ATRNL1: variants seen among roughly 807,000 people sequenced by gnomAD.
ATRNL1 encodes attractin-like protein 1.
In ATRNL1, 95 loss-of-function variants were observed where a neutral mutation model predicts 182.7. That is an observed-to-expected ratio of 0.52 (90% confidence interval 0.44 to 0.62). The LOEUF (loss-of-function observed/expected upper bound fraction) is 0.62. ATRNL1 is among the 20% of genes least tolerant of loss of function. The probability of loss-of-function intolerance (pLI) is 0.00; values close to 1 mark genes in which losing one functional copy is unlikely to be tolerated. For missense variants in ATRNL1, 1,471 were observed against 1,679.5 expected (o/e 0.88, Z 2.17); for synonymous variants, 576 against 568.3 (o/e 1.01, Z -0.19).
chr10:115,362,314 A>G (rs1856788383), intron 19 of ATRNL1, among the ~76,000 whole-genome samples: 1 of 152,128 alleles, frequency 6.6e-6, no homozygotes, highest in Admixed American at 6.6e-5. Flanking sequence ...AAGTTAAAAA[A>G]TAGAATGAAA....
Position 115,300,045 on chromosome 10 carries a change from T to G in ATRNL1, c.2427T>G (p.Pro809=), listed in dbSNP as rs782744717. 5.0e-6 allele frequency: 8 copies of G among 1,611,056 alleles called. No individual in the cohort carries two copies. The highest frequency in any genetic ancestry group is 6.8e-6 in the Non-Finnish European group (8 of 1,178,038). Residue 809 remains proline, a synonymous_variant, in exon 16 of 29, where the codon CCT becomes CCG. Coordinates refer to ENST00000355044, the MANE Select transcript of ATRNL1 (RefSeq NM_207303.4). Reference sequence around the variant, plus strand: ...CCTGTTGTTTACAGAAAGTATCACCTTGGGTAGGCTTGCGCAAGATCAATA... The same window carrying G: ...CCTGTTGTTTACAGAAAGTATCACCGTGGGTAGGCTTGCGCAAGATCAATA... ...IQKYTQQKVS[P]WVGLRKINIS...
At chr10:115,633,033 C>T (rs782073013) in intron 26 of ATRNL1, among the ~76,000 whole-genome samples, 16 of 152,048 alleles carry the variant, frequency 1.1e-4, no homozygotes, top group Admixed American at 1.3e-4. Flanking sequence ...GCTGGGATTA[C>T]AGGCATGCAC....
chr10:115,944,059 G>C (rs148997300), intron 28 of ATRNL1, among the ~76,000 whole-genome samples: 1 of 151,828 alleles, frequency 6.6e-6, no homozygotes, highest in African/African-American at 2.4e-5. Flanking sequence ...GGTGAAGTGC[G>C]GGGGTATTTT....
intron 15 of ATRNL1, among the ~76,000 whole-genome samples, chr10:115,299,751 C>T (rs1200816125): frequency 1.3e-5 from 2 of 152,058 alleles, no homozygotes; most frequent in East Asian, 3.9e-4. Flanking sequence ...ATAATTATAT[C>T]TCCACTTTAT....
chr10:115,188,223 CAAAT>C (rs1350749276), intron 8 of ATRNL1, among the ~76,000 whole-genome samples: 5 of 151,854 alleles, frequency 3.3e-5, no homozygotes, highest in African/African-American at 7.3e-5. Flanking sequence ...AAATTATTTG[CAAAT>C]AAATGTGAAA....
chr10:115,417,478 T>G (rs1554961066), intron 20 of ATRNL1, among the ~76,000 whole-genome samples: 1 of 152,206 alleles, frequency 6.6e-6, no homozygotes, highest in Admixed American at 6.5e-5. Context: ...GGATCCAGTC[T>G]GACCCCCAGC....
At chr10:115,743,347 G>A (rs1404758321) in intron 27 of ATRNL1, among the ~76,000 whole-genome samples, 4 of 150,970 alleles carry the variant, frequency 2.6e-5, no homozygotes, top group Non-Finnish European at 4.4e-5. Context: ...ACCCCAATAA[G>A]CTGACTCCAC....
At chr10:115,647,017 G>C (rs1859671500) in intron 26 of ATRNL1, among the ~76,000 whole-genome samples, 1 of 137,752 alleles carries the variant, frequency 7.3e-6, no homozygotes, top group African/African-American at 2.7e-5. Context: ...TGTTCTCATT[G>C]TTCAATTCCC....
rs554489924 is a variant in ATRNL1 at position 115,237,256 on chromosome 10, C to T, written c.1533-4315C>T. Among the ~76,000 whole-genome samples the T allele has an allele frequency of 2.6e-5, 4 of 152,236 alleles. No homozygotes were observed. The South Asian group carries it at 8.3e-4, about 32-fold the overall frequency. ...ACATATTTTCAACTCATTCAGGTGA[C>T]CACCATGGAGTGCAATTCCTGGATG... On this transcript the variant is annotated intron_variant, in intron 9 of 28. Transcript: ENST00000355044.
chr10:115,669,809 A>T (rs1945639349), intron 26 of ATRNL1, among the ~76,000 whole-genome samples: 2 of 152,230 alleles, frequency 1.3e-5, no homozygotes, highest in Admixed American at 1.3e-4. Flanking sequence ...TAATTCCCAT[A>T]TATGATGATG....
At chr10:115,300,943 G>T (rs1853438469) in intron 16 of ATRNL1, among the ~76,000 whole-genome samples, 1 of 151,900 alleles carries the variant, frequency 6.6e-6, no homozygotes, top group Non-Finnish European at 1.5e-5. Context: ...TCTACTTTCT[G>T]TCTCTATGAA....
intron 26 of ATRNL1, among the ~76,000 whole-genome samples, chr10:115,692,101 C>T (rs1164893097): frequency 6.6e-6 from 1 of 152,100 alleles, no homozygotes; most frequent in African/African-American, 2.4e-5. Flanking sequence ...GGTTCTGAAA[C>T]TTTTTCCTAG....
chr10:115,908,942 G>C (rs923555506), intron 28 of ATRNL1, among the ~76,000 whole-genome samples: 2 of 152,170 alleles, frequency 1.3e-5, no homozygotes, highest in African/African-American at 2.4e-5. Flanking sequence ...TTGGTGGGCA[G>C]AGCAGTGTAT....
chr10:115,414,319 T>C (rs1554960458), intron 20 of ATRNL1, among the ~76,000 whole-genome samples: 1 of 151,690 alleles, frequency 6.6e-6, no homozygotes, highest in East Asian at 1.9e-4. Flanking sequence ...CCCTCCCTCT[T>C]CTCTTACTCC....
At chr10:115,286,860 T>A (rs1852641848) in intron 15 of ATRNL1, among the ~76,000 whole-genome samples, 1 of 151,910 alleles carries the variant, frequency 6.6e-6, no homozygotes. Flanking sequence ...TTCTTCCCAT[T>A]AGTCTCTAAA....
chr10:115,939,676 A>G (rs1419906380), intron 28 of ATRNL1, among the ~76,000 whole-genome samples: 3 of 152,204 alleles, frequency 2.0e-5, no homozygotes, highest in Middle Eastern at 3.2e-3. Flanking sequence ...AGAGAACACA[A>G]TAAGTGAATT....
chr10:115,365,138 T>C (rs1441636905), intron 19 of ATRNL1, among the ~76,000 whole-genome samples: 1 of 151,950 alleles, frequency 6.6e-6, no homozygotes, highest in Non-Finnish European at 1.5e-5. Flanking sequence ...CGGCTGTGAA[T>C]CCATCTGGTC....
At chr10:115,102,862 T>A (rs1234218781) in intron 1 of ATRNL1, among the ~76,000 whole-genome samples, 1 of 152,208 alleles carries the variant, frequency 6.6e-6, no homozygotes, top group African/African-American at 2.4e-5. Context: ...TTGCTGGGAT[T>A]TTTATTGAGA....
intron 26 of ATRNL1, among the ~76,000 whole-genome samples, chr10:115,609,388 G>A (rs1244350532): frequency 6.6e-6 from 1 of 151,984 alleles, no homozygotes; most frequent in Non-Finnish European, 1.5e-5. Flanking sequence ...CACCCACAGG[G>A]AACTTTACCC....
Sources: gnomAD v4.1 joint callset for allele counts (sites outside exome capture counted in the v4.1 genomes callset) on GRCh38, gnomAD v4.1.1 for gene constraint, MANE v1.5 for transcripts, NCBI Gene and HGNC (gene_info 2026-07-23, HGNC 2026-07-21) for gene names.